WFDC1: variants seen among roughly 807,000 people sequenced by gnomAD.
WFDC1 encodes the protein WAP four-disulfide core domain 1.
In WFDC1, 39 loss-of-function variants were observed where a neutral mutation model predicts 32.9. That is an observed-to-expected ratio of 1.19 (90% CI 0.92 to 1.55). The LOEUF is 1.55. WFDC1 is among the 40% of genes most tolerant of loss of function. WFDC1 has a pLI of 0.00. For missense variants in WFDC1, 386 were observed against 309.5 expected (o/e 1.25, Z -1.85); for synonymous variants, 184 against 137.4 (o/e 1.34, Z -2.37).
At chr16:84,326,764 G>C (rs750961988) in intron 5 of WFDC1, 118 bp from the exon 6 acceptor site, 2 of 1,181,734 alleles carry the variant, frequency 1.7e-6, no homozygotes, top group Admixed American at 3.5e-5. Context: ...ACCTCAGCTG[G>C]GGGAGGGAGG....
intron 1 of WFDC1, among the ~76,000 whole-genome samples, chr16:84,297,617 C>CAAAAAAAAA (rs150683526): frequency 7.2e-5 from 5 of 69,464 alleles, no homozygotes; most frequent in Non-Finnish European, 7.8e-5. Context: ...AACTCTGTCT[C>CAAAAAAAAA]AAAAAAAAAA....
chr16:84,301,960 G>A (rs1445171824), intron 1 of WFDC1, among the ~76,000 whole-genome samples: 8 of 152,314 alleles, frequency 5.3e-5, no homozygotes, highest in South Asian at 2.1e-4. Flanking sequence ...AGCACTCACC[G>A]CAGCCACAGG....
chr16:84,319,324 G>T, intron 3 of WFDC1, 107 bp from the exon 4 acceptor site: 11 of 1,473,842 alleles, frequency 7.5e-6, no homozygotes, highest in Non-Finnish European at 1.0e-5. Flanking sequence ...CTCTCTGGGT[G>T]AGGTGCGTTC....
intron 2 of WFDC1, chr16:84,316,665 A>C (rs1907968168): frequency 6.6e-6 from 1 of 152,194 alleles, no homozygotes; most frequent in East Asian, 1.9e-4. Context: ...CTTAAAAACC[A>C]GAAGATTTCT....
chr16:84,326,144 T>G (rs923676699), intron 5 of WFDC1: 3 of 151,142 alleles, frequency 2.0e-5, no homozygotes, highest in Non-Finnish European at 4.4e-5. Context: ...CATCTACCCA[T>G]CTATCCATCT....
chr16:84,295,236 G>T (rs967365511), intron 1 of WFDC1, 121 bp downstream of exon 1: 12 of 1,319,528 alleles, frequency 9.1e-6, no homozygotes, highest in African/African-American at 1.5e-5. Flanking sequence ...GGCAAGGCAG[G>T]CGTCTTCCTA....
At chr16:84,326,751 G>T (rs1474041046) in intron 5 of WFDC1, 131 bp from the exon 6 acceptor site, 10 of 1,006,530 alleles carry the variant, frequency 9.9e-6, no homozygotes, top group African/African-American at 1.6e-5. Context: ...TGGGGACTGA[G>T]TGACCTCAGC....
chr16:84,308,513 T>G (rs2151372803), intron 1 of WFDC1, among the ~76,000 whole-genome samples: 1 of 152,324 alleles, frequency 6.6e-6, no homozygotes, highest in Middle Eastern at 3.4e-3. Flanking sequence ...GAAGGCTGTT[T>G]AAGCTGAGGA....
chr16:84,302,524 C>A (rs539324546), intron 1 of WFDC1, among the ~76,000 whole-genome samples: 115 of 152,194 alleles, frequency 7.6e-4, no homozygotes, highest in Non-Finnish European at 1.2e-3. Context: ...GTGCCCACTC[C>A]GGCTCGTGGG....
intron 1 of WFDC1, among the ~76,000 whole-genome samples, chr16:84,298,989 A>G (rs1278974686): frequency 1.3e-5 from 2 of 152,178 alleles, no homozygotes; most frequent in African/African-American, 2.4e-5. Flanking sequence ...TAAAAAGACC[A>G]TAGAGCCCAC....
intron 5 of WFDC1, chr16:84,325,989 T>C (rs1466003489): frequency 2.0e-5 from 3 of 151,760 alleles, no homozygotes; most frequent in African/African-American, 7.3e-5. Context: ...CATTCACCTA[T>C]GTATCCATTC....
At chr16:84,321,889 C>T (rs1908321442) in intron 4 of WFDC1, among the ~76,000 whole-genome samples, 1 of 152,176 alleles carries the variant, frequency 6.6e-6, no homozygotes, top group Non-Finnish European at 1.5e-5. Flanking sequence ...CCTCTCTTAG[C>T]CTCAGTTCCT....
At chr16:84,311,200 C>T (rs139377648) in intron 1 of WFDC1, among the ~76,000 whole-genome samples, 193 of 151,654 alleles carry the variant, frequency 1.3e-3, no homozygotes, top group African/African-American at 4.4e-3. Context: ...AAATATTGAT[C>T]TTATTGGTCA....
At position 84,307,379 on chromosome 16, in the gene WFDC1, C is replaced by T. The variant is rs971929339; in HGVS notation, c.145-5582C>T. On this transcript the variant is annotated intron_variant, in intron 1 of 6. Transcript: ENST00000219454. The stretch of plus-strand genomic sequence containing the variant: ...ACATGTAATCCTTTAATCTGGGCCT[C>T]TCAGTGAAATCAGTGCTTTATCACT... Among the ~76,000 whole-genome samples the T allele has an allele frequency of 8.7e-4, 132 of 152,204 alleles. 1 individual carries two copies. The highest frequency in any genetic ancestry group is 4.4e-5 in the Non-Finnish European group (3 of 68,048).
intron 2 of WFDC1, chr16:84,316,681 T>G (rs1907968433): frequency 6.6e-6 from 1 of 152,200 alleles, no homozygotes; most frequent in East Asian, 1.9e-4. Context: ...TTTCTATTTT[T>G]AAAAATACAG....
At chr16:84,311,269 G>C (rs1907600479) in intron 1 of WFDC1, among the ~76,000 whole-genome samples, 2 of 150,176 alleles carry the variant, frequency 1.3e-5, no homozygotes, top group South Asian at 4.2e-4. Flanking sequence ...TTTGGAGATG[G>C]AGTCTCACTC....
rs747021675 is a variant in WFDC1 at position 84,318,279 on chromosome 16, C to T, written c.345C>T (p.Asp115=). The change falls in exon 3 of 7, where the codon GAC becomes GAT. Residue 115 remains aspartate (D), a synonymous_variant. Transcript: ENST00000219454. ...GACCCCGTATTGTGTTAGTCTTAGA[C>T]TGGCTGGTGCAGCCGAAACCTCGAT... ...LEAVPPPPVL[D]WLVQPKPRWL... 1.2e-6 allele frequency: 2 copies of T among 1,614,028 alleles called. No individual in the cohort carries two copies. Among genetic ancestry groups the T allele is most frequent in the Admixed American group, 3.3e-5 (2 of 60,008 alleles).
chr16:84,319,269 G>C (rs1597689091), intron 3 of WFDC1, 162 bp from the exon 4 acceptor site: 3 of 906,020 alleles, frequency 3.3e-6, no homozygotes, highest in Non-Finnish European at 4.9e-6. Context: ...CGCTGAGTGA[G>C]ACCCAGGGCC....
At chr16:84,318,226 C>T (rs1358666224) in intron 2 of WFDC1, 46 bp from the exon 3 acceptor site, 2 of 1,604,110 alleles carry the variant, frequency 1.2e-6, no homozygotes, top group Admixed American at 1.7e-5. Context: ...CTGGGCGTTT[C>T]TCAGCTGCTT....
Sources: gnomAD v4.1 joint callset for allele counts (sites outside exome capture counted in the v4.1 genomes callset) on GRCh38, gnomAD v4.1.1 for gene constraint, MANE v1.5 for transcripts, NCBI Gene and HGNC (gene_info 2026-07-23, HGNC 2026-07-21) for gene names.